The following LRWD1 variants were observed in gnomAD, a reference collection of about 807,000 sequenced individuals.
LRWD1 encodes the protein leucine rich repeats and WD repeat domain containing 1.
A neutral mutation model predicts 75.6 loss-of-function variants in LRWD1; 76 were observed. The ratio of observed to expected loss-of-function variants is 1.01; its 90% CI spans 0.84 to 1.22. The LOEUF (loss-of-function observed/expected upper bound fraction) is 1.22, where lower values mean the gene tolerates loss of function less well. Ranked by LOEUF, LRWD1 falls within the 50% of genes most tolerant of loss-of-function variation. LRWD1 has a pLI of 0.00. For missense variants in LRWD1, 917 were observed against 862.0 expected (o/e 1.06, Z -0.80); for synonymous variants, 487 against 377.0 (o/e 1.29, Z -3.38).
chr7:102,468,806 C>T, intron 8 of LRWD1, 49 bp from the exon 9 acceptor site: 1 of 1,594,538 alleles, frequency 6.3e-7, no homozygotes, highest in South Asian at 1.1e-5. Context: ...CCCGCGTGTT[C>T]ACACCAATAG....
chr7:102,467,615 C>T (rs1563654699), intron 4 of LRWD1, 104 bp from the exon 5 acceptor site: 1 of 1,502,268 alleles, frequency 6.7e-7, no homozygotes, highest in Non-Finnish European at 9.1e-7. Context: ...GCTGGAGAGG[C>T]CCTTCCCCAA....
rs1797932813 is a variant in LRWD1, at chr7:102,465,488, G to GTTT, written c.80+328_81-328insTTT. The GTTT allele has an allele frequency of 1.3e-3, 144 of 108,046 alleles. 33 individuals carry two copies. Among genetic ancestry groups the GTTT allele is most frequent in the African/African-American group, 5.7e-3 (114 of 19,956 alleles). 6.7% of individuals were successfully genotyped at this position (108,046 alleles called of 1,614,324 possible). ...GCCCCCGAGTCCTAAAGTAGTTGCA[G>GTTT]CTTTTTTTTTTTTTTTTTTTTTTTT... On this transcript the variant is annotated intron_variant, in intron 1 of 14. Coordinates refer to ENST00000292616, the MANE Select transcript of LRWD1 (RefSeq NM_152892.3).
At chr7:102,471,841 C>G (rs575294438) in intron 11 of LRWD1, 241 of 239,070 alleles carry the variant, frequency 1.0e-3, no homozygotes, top group African/African-American at 5.0e-3. Flanking sequence ...CAGATGCCCC[C>G]AACAGCCCCC....
At chr7:102,472,128 T>TCC in intron 11 of LRWD1, 90 bp from the exon 12 acceptor site, 1 of 1,165,456 alleles carries the variant, frequency 8.6e-7, no homozygotes, top group Non-Finnish European at 1.3e-6. Flanking sequence ...CAGGGCAGGG[T>TCC]CCCCAGCAGG....
chr7:102,468,641 A>G lies in LRWD1; in HGVS notation c.1007A>G (p.Lys336Arg), dbSNP rs768036912. The G allele has an allele frequency of 1.3e-6, 2 of 1,568,492 alleles. No individual in the cohort carries two copies. Among genetic ancestry groups the G allele is most frequent in the African/African-American group, 1.4e-5 (1 of 73,634 alleles). The change falls in exon 8 of 15, where the codon AAG (lysine) becomes AGG (arginine). Residue 336 changes from lysine (K) to arginine (R), a missense_variant. Coordinates refer to ENST00000292616, the MANE Select transcript of LRWD1 (RefSeq NM_152892.3). ...CQTGIVLHKY[K>R]APGEEFFSVA... ...ACGGGCATCGTGCTCCACAAGTACA[A>G]GGCACCCGGCGAGGTGAGTGCAAGG...
intron 11 of LRWD1, chr7:102,471,492 TTCTC>T (rs373524227): frequency 6.5e-6 from 1 of 154,608 alleles, no homozygotes; most frequent in South Asian, 2.0e-4. Flanking sequence ...AGTTATGGGC[TTCTC>T]TTTCTCACCA....
At chr7:102,472,668 C>CA (rs1232485431) in intron 13 of LRWD1, 24 bp from the exon 14 acceptor site, 1 of 1,612,962 alleles carries the variant, frequency 6.2e-7, no homozygotes. Context: ...TGCCCCCACT[C>CA]AGACTCCACC....
At position 102,470,036 on chromosome 7, in the gene LRWD1, C is replaced by T. The variant is rs1586742059; in HGVS notation, c.1442+154C>T. 4.0e-6 allele frequency: 4 copies of T among 999,524 alleles called. 1 individual carries two copies. The South Asian group carries it at 5.7e-5, about 14-fold the overall frequency. 61.9% of individuals were successfully genotyped at this position (999,524 alleles called of 1,614,324 possible). A position where few individuals can be genotyped will look rare whatever the true frequency, so the allele number is the denominator to read the frequency against. On this transcript the variant is annotated intron_variant, in intron 11 of 14. Coordinates refer to ENST00000292616, the MANE Select transcript of LRWD1 (RefSeq NM_152892.3). ...GAGCTGGCTTGTCCCACCTTTCTGCCAGGCTCTGGAGGAAAGGACTCTGAC... is the reference window on the plus strand; with the variant it reads ...GAGCTGGCTTGTCCCACCTTTCTGCTAGGCTCTGGAGGAAAGGACTCTGAC...
chr7:102,465,220 CG>C, intron 1 of LRWD1, 60 bp downstream of exon 1: 2 of 1,359,848 alleles, frequency 1.5e-6, no homozygotes, highest in Non-Finnish European at 1.9e-6. Flanking sequence ...GGGAGAAGAG[CG>C]GGGACCCTCC....
chr7:102,472,833 T>G, intron 14 of LRWD1, 29 bp downstream of exon 14: 1 of 1,612,358 alleles, frequency 6.2e-7, no homozygotes, highest in Non-Finnish European at 8.5e-7. Flanking sequence ...TGCCCAGGCT[T>G]GGGCTGGCAA....
Position 102,472,546 on chromosome 7 carries a change from GT to G in LRWD1, c.1628del (p.Val543AlafsTer44), listed in dbSNP as rs1563658941. ...RGSQSTVAVV[V>X]LARLQWSSTE... The stretch of plus-strand genomic sequence containing the variant: ...CAGCCAGTCCACGGTGGCAGTGGTG[GT>G]CCTGGCGCGGCTGCAATGGTCGTCC... On this transcript the variant is annotated frameshift_variant, in exon 13 of 15. Coordinates refer to ENST00000292616, the MANE Select transcript of LRWD1 (RefSeq NM_152892.3). LOFTEE classifies it high-confidence loss of function. 1 of 1,591,228 alleles carries G rather than the reference GT, an allele frequency of 6.3e-7. No individual in the cohort carries two copies. Among genetic ancestry groups the G allele is most frequent in the South Asian group, 1.1e-5 (1 of 88,676 alleles).
rs1289363420 is a variant in LRWD1 at position 102,468,388 on chromosome 7, G to A, written c.919+11G>A. On this transcript the variant is annotated intron_variant, in intron 7 of 14. Coordinates refer to ENST00000292616, the MANE Select transcript of LRWD1 (RefSeq NM_152892.3). ...CGGCCTGGGAGGAGGGTACATGGTG[G>A]CGGGCAGGCGGGGCAAGGGCCGCTG... 1.3e-6 allele frequency: 2 copies of A among 1,592,030 alleles called. No homozygotes were observed. The highest frequency in any genetic ancestry group is 2.3e-5 in the South Asian group (2 of 88,234).
intron 1 of LRWD1, chr7:102,465,487 AGCTTTTTTT>A: frequency 6.1e-6 from 1 of 164,784 alleles, no homozygotes; most frequent in Non-Finnish European, 1.1e-5. Context: ...AAGTAGTTGC[AGCTTTTTTT>A]TTTTTTTTTT....
intron 1 of LRWD1, 39 bp downstream of exon 1, chr7:102,465,199 C>T: frequency 1.4e-6 from 2 of 1,413,054 alleles, no homozygotes; most frequent in Non-Finnish European, 1.8e-6. Context: ...GTCCTCGGGG[C>T]CGGGCGGTCG....
intron 12 of LRWD1, 53 bp downstream of exon 12, chr7:102,472,362 C>T (rs968506695): frequency 3.5e-5 from 55 of 1,551,996 alleles, no homozygotes; most frequent in East Asian, 2.2e-4. Flanking sequence ...ACAGATGGAC[C>T]GCTTGTCCCT....
Position 102,467,497 on chromosome 7 carries a change from T to A in LRWD1, c.573+18T>A. 1 of 1,610,856 alleles carries A rather than the reference T, an allele frequency of 6.2e-7. No individual in the cohort carries two copies. On this transcript the variant is annotated intron_variant, in intron 4 of 14. Coordinates refer to ENST00000292616, the MANE Select transcript of LRWD1 (RefSeq NM_152892.3). ...AGTGGCGGGTATGTCCCTGTCCCAA[T>A]GTGCAGGGAGTCACTGGCTCTCGTA...
At position 102,468,378 on chromosome 7, in the gene LRWD1, G is replaced by C; in HGVS notation, c.919+1G>C. 1 of 1,602,480 alleles carries C rather than the reference G, an allele frequency of 6.2e-7. No homozygotes were observed. The highest frequency in any genetic ancestry group is 8.5e-7 in the Non-Finnish European group (1 of 1,175,032). ...GCCTTCGAGCCGGCCTGGGAGGAGG[G>C]TACATGGTGGCGGGCAGGCGGGGCA... On this transcript the variant is annotated splice_donor_variant, in intron 7 of 14. Coordinates refer to ENST00000292616, the MANE Select transcript of LRWD1 (RefSeq NM_152892.3). LOFTEE classifies it high-confidence loss of function.
intron 11 of LRWD1, 137 bp from the exon 12 acceptor site, chr7:102,472,079 ATG>A: frequency 2.6e-6 from 2 of 771,136 alleles, no homozygotes; most frequent in African/African-American, 3.4e-5. Context: ...GGGGCCAAGA[ATG>A]TATCTCTTTG....
Position 102,468,969 on chromosome 7 carries a change from G to A in LRWD1, c.1135G>A (p.Val379Met), listed in dbSNP as rs769022777. ...GLRGLVRLLH[V>M]RAGFCCGVIR... Reference sequence around the variant, plus strand: ...ACGGGGCCTGGTCCGGCTGCTGCACGTGCGTGCCGGCTTCTGCTGCGGGGT... The same window carrying A: ...ACGGGGCCTGGTCCGGCTGCTGCACATGCGTGCCGGCTTCTGCTGCGGGGT... Residue 379 changes from valine to methionine, a missense_variant, in exon 9 of 15, where the codon GTG (valine) becomes ATG (methionine). Val to Met is a conservative substitution (Grantham distance 21). Transcript: ENST00000292616. The A allele has an allele frequency of 6.8e-5, 110 of 1,612,590 alleles. No individual in the cohort carries two copies. The highest frequency in any genetic ancestry group is 1.2e-4 in the Admixed American group (7 of 59,954).
Sources: gnomAD v4.1 joint callset for allele counts on GRCh38, gnomAD v4.1.1 for gene constraint, MANE v1.5 for transcripts, NCBI Gene and HGNC (gene_info 2026-07-23, HGNC 2026-07-21) for gene names.